Variants in ATR observed in about 807,000 individuals in gnomAD.
ATR encodes serine/threonine-protein kinase ATR.
In ATR, 142 loss-of-function variants were observed where a neutral mutation model predicts 305.3. The ratio of observed to expected loss-of-function variants is 0.47; its 90% CI spans 0.41 to 0.53. The LOEUF (loss-of-function observed/expected upper bound fraction) is 0.53, where lower values mean the gene tolerates loss of function less well. ATR is among the 20% of genes least tolerant of loss of function. ATR has a pLI of 0.00. For synonymous variants in ATR, 1,050 were observed against 1,068.1 expected (o/e 0.98, Z 0.33); for missense variants, 2,135 against 3,133.1 (o/e 0.68, Z 7.60).
intron 1 of ATR, among the ~76,000 whole-genome samples, chr3:142,571,598 A>G (rs1375734275): frequency 6.6e-6 from 1 of 152,210 alleles, no homozygotes. Context: ...AGTGATTAGC[A>G]AAGTCCATCA....
At chr3:142,565,429 G>A (rs1248031650) in intron 3 of ATR, among the ~76,000 whole-genome samples, 4 of 152,092 alleles carry the variant, frequency 2.6e-5, no homozygotes, top group African/African-American at 9.7e-5. Flanking sequence ...AGTAGTAGGT[G>A]CAATAAAGAA....
At chr3:142,554,529 A>G (rs538159594) in intron 10 of ATR, among the ~76,000 whole-genome samples, 15 of 152,226 alleles carry the variant, frequency 9.9e-5, no homozygotes, top group Non-Finnish European at 1.8e-4. Context: ...CACTCAGCCT[A>G]TAAATAATTT....
At chr3:142,486,984 A>T (rs1377454393) in intron 35 of ATR, among the ~76,000 whole-genome samples, 1 of 148,760 alleles carries the variant, frequency 6.7e-6, no homozygotes, top group Non-Finnish European at 1.5e-5. Context: ...AAAAAAAACA[A>T]TTAGCCGGGC....
intron 18 of ATR, among the ~76,000 whole-genome samples, chr3:142,540,205 A>G (rs1373956291): frequency 6.6e-6 from 1 of 152,206 alleles, no homozygotes; most frequent in African/African-American, 2.4e-5. Context: ...TTAACAGCCT[A>G]AAATAAGTAA....
chr3:142,456,324 T>C (rs1447232624), intron 45 of ATR, among the ~76,000 whole-genome samples: 1 of 152,034 alleles, frequency 6.6e-6, no homozygotes, highest in African/African-American at 2.4e-5. Context: ...TCCCAGCACT[T>C]TGGGAGGCCA....
intron 46 of ATR, chr3:142,451,733 C>A (rs190031358): frequency 5.8e-4 from 679 of 1,162,588 alleles, no homozygotes; most frequent in Non-Finnish European, 7.0e-4. Flanking sequence ...GAGTGTGCCA[C>A]TGAGCCCAGC....
At position 142,538,624 on chromosome 3, in the gene ATR, C is replaced by G. The variant is rs2108433043; in HGVS notation, c.3583G>C (p.Ala1195Pro). 2 of 1,613,286 alleles carry G rather than the reference C, an allele frequency of 1.2e-6. No individual in the cohort carries two copies. Among genetic ancestry groups the G allele is most frequent in the Non-Finnish European group, 1.7e-6 (2 of 1,179,544 alleles). ...AGGCAGCGAACAAAGCAGTCCCAAG[C>G]TCTATGTGAAAAAACAAATAGAAAT... Reference protein sequence around the residue: ...KDDFPELCCRAWDCFVRCLDH... With the variant: ...KDDFPELCCRPWDCFVRCLDH... The change falls in exon 19 of 47, where the codon GCT becomes CCT. Residue 1195 changes from alanine to proline, a missense_variant and splice_region_variant. By Grantham distance (27) the Ala-to-Pro change is conservative. Around this residue, in one of 9 missense-constraint regions of ATR, gnomAD observed 530 missense variants for 766.8 expected, o/e 0.69. Transcript: ENST00000350721.
chr3:142,470,408 T>C (rs1464228246), intron 36 of ATR, among the ~76,000 whole-genome samples: 1 of 152,146 alleles, frequency 6.6e-6, no homozygotes, highest in Non-Finnish European at 1.5e-5. Flanking sequence ...CCACTTACAG[T>C]ATACAGAATT....
chr3:142,499,886 A>T, intron 30 of ATR, 168 bp from the exon 31 acceptor site: 1 of 582,636 alleles, frequency 1.7e-6, no homozygotes, highest in Non-Finnish European at 2.9e-6. Context: ...TATCCAGAAA[A>T]TTTTAATCTT....
At chr3:142,462,917 C>A (rs1250944740) in intron 41 of ATR, among the ~76,000 whole-genome samples, 1 of 152,174 alleles carries the variant, frequency 6.6e-6, no homozygotes, top group Non-Finnish European at 1.5e-5. Context: ...TCTGATTGAT[C>A]CTGATATATC....
intron 45 of ATR, among the ~76,000 whole-genome samples, chr3:142,454,255 G>T (rs941860908): frequency 1.3e-5 from 2 of 152,076 alleles, no homozygotes; most frequent in Non-Finnish European, 2.9e-5. Context: ...TCCCTTGCAT[G>T]GTCAACTTTA....
chr3:142,479,094 G>T (rs2030200971), intron 36 of ATR, among the ~76,000 whole-genome samples: 1 of 151,834 alleles, frequency 6.6e-6, no homozygotes, highest in South Asian at 2.1e-4. Context: ...TACATTTAAG[G>T]TTAATATTGT....
intron 20 of ATR, among the ~76,000 whole-genome samples, chr3:142,535,678 A>C (rs1251630526): frequency 6.6e-6 from 1 of 152,176 alleles, no homozygotes; most frequent in African/African-American, 2.4e-5. Context: ...AGATGCTGGA[A>C]TTATAAATTA....
intron 42 of ATR, 81 bp from the exon 43 acceptor site, chr3:142,459,464 G>C (rs2108262419): frequency 1.4e-6 from 2 of 1,454,614 alleles, no homozygotes; most frequent in Non-Finnish European, 1.9e-6. Flanking sequence ...AATTGGACAA[G>C]AAACATCTAC....
intron 3 of ATR, among the ~76,000 whole-genome samples, chr3:142,565,773 A>G (rs1247603349): frequency 6.6e-6 from 1 of 150,940 alleles, no homozygotes; most frequent in Non-Finnish European, 1.5e-5. Flanking sequence ...ACAAAACAAA[A>G]CACCAAAACT....
At chr3:142,492,885 G>C (rs1336889700) in intron 35 of ATR, among the ~76,000 whole-genome samples, 1 of 152,204 alleles carries the variant, frequency 6.6e-6, no homozygotes, top group Non-Finnish European at 1.5e-5. Flanking sequence ...CTTTGAGACA[G>C]AGGGTGAGAA....
intron 27 of ATR, among the ~76,000 whole-genome samples, chr3:142,510,202 TA>T (rs1230301780): frequency 6.8e-6 from 1 of 146,332 alleles, no homozygotes; most frequent in East Asian, 2.0e-4. Context: ...CATGCAGAAA[TA>T]AAAACTAACA....
chr3:142,538,472 G>A lies in ATR; in HGVS notation c.3725+10C>T, dbSNP rs772119587. ...AGTTATTATTTTACTATTAATTTCA[G>A]TTACAATACCTGTTTTCAATTATGA... On this transcript the variant is annotated intron_variant, in intron 19 of 46. Coordinates refer to ENST00000350721, the MANE Select transcript of ATR (RefSeq NM_001184.4). 3.2e-5 allele frequency: 52 copies of A among 1,608,568 alleles called. No individual in the cohort carries two copies. The highest frequency in any genetic ancestry group is 4.3e-5 in the Non-Finnish European group (50 of 1,175,748).
chr3:142,514,111 AAC>A (rs1379083654), intron 25 of ATR, among the ~76,000 whole-genome samples: 1 of 151,710 alleles, frequency 6.6e-6, no homozygotes, highest in African/African-American at 2.4e-5. Flanking sequence ...CTACAAAAAA[AAC>A]ACACACAAAA....
Sources: allele counts gnomAD v4.1 joint callset (sites outside exome capture counted in the v4.1 genomes callset), GRCh38; gene constraint gnomAD v4.1.1; regional missense constraint gnomAD v4.1.1; transcripts MANE v1.5; gene names NCBI Gene and HGNC (gene_info 2026-07-23, HGNC 2026-07-21).